The following RIF1 variants were observed in gnomAD, a reference collection of about 807,000 sequenced individuals.
RIF1 encodes the protein telomere-associated protein RIF1.
RIF1 carries 45 observed loss-of-function variants against 247.1 expected under a neutral mutation model. The ratio of observed to expected loss-of-function variants is 0.18; its 90% CI spans 0.14 to 0.23. RIF1 has a LOEUF of 0.23. Among genes scored for constraint, RIF1 ranks in the 10% least tolerant of loss-of-function variants. The pLI is 1.00. For synonymous variants in RIF1, 1,087 were observed against 978.8 expected (o/e 1.11, Z -2.06); for missense variants, 2,967 against 2,862.5 (o/e 1.04, Z -0.83).
At position 151,463,020 on chromosome 2, in the gene RIF1, A is replaced by G. The variant is rs2152496501; in HGVS notation, c.3500A>G (p.Asn1167Ser). ...GACAAAACCAGTCCAGAAATGTCAA[A>G]CAGTAATAATGATGAAAGAAAAAAA... ...SLDKTSPEMS[N>S]SNNDERKKAL... Residue 1167 changes from asparagine to serine, a missense_variant, in exon 30 of 36, where the codon AAC becomes AGC. Physicochemically the swap from Asn to Ser is conservative, Grantham distance 46 (BLOSUM62 1). This residue lies in a region of RIF1 where 2,028 missense variants were observed against 1,825.6 expected (regional missense o/e 1.11). Coordinates refer to ENST00000444746, the MANE Select transcript of RIF1 (RefSeq NM_018151.5). 6.2e-7 allele frequency: 1 copy of G among 1,614,008 alleles called. No individual in the cohort carries two copies. Among genetic ancestry groups the G allele is most frequent in the Non-Finnish European group, 8.5e-7 (1 of 1,179,860 alleles).
chr2:151,460,563 G>T (rs1695983265), intron 26 of RIF1, among the ~76,000 whole-genome samples: 2 of 152,112 alleles, frequency 1.3e-5, no homozygotes, highest in Admixed American at 1.3e-4. Context: ...CAGTTAACTT[G>T]ACTTTTAGAC....
the RIF1 span, chr2:151,516,449 T>G: frequency 6.3e-7 from 1 of 1,591,354 alleles, no homozygotes; most frequent in South Asian, 1.1e-5. Flanking sequence ...GTGTGGTTTT[T>G]TTGACTTACC....
In RIF1 at chr2:151,468,509, A is replaced by G; in HGVS notation, c.6783A>G (p.Pro2261=). 1 of 1,613,736 alleles carries G rather than the reference A, an allele frequency of 6.2e-7. No individual in the cohort carries two copies. The highest frequency in any genetic ancestry group is 8.5e-7 in the Non-Finnish European group (1 of 1,179,662). The stretch of plus-strand genomic sequence containing the variant: ...CTTCAGCCAAAGGATTTCTGTCCCC[A>G]GGATCACGTAGCCCTAAATTTAAGA... The part of the protein sequence containing the change: ...NTTSAKGFLS[P]GSRSPKFKSS... The change falls in exon 32 of 36, where the codon CCA becomes CCG. Residue 2261 remains proline (P), a synonymous_variant. Coordinates refer to ENST00000444746, the MANE Select transcript of RIF1 (RefSeq NM_018151.5).
intron 9 of RIF1, chr2:151,495,049 AC>A (rs1268953217): frequency 6.6e-6 from 1 of 152,174 alleles, no homozygotes; most frequent in African/African-American, 2.4e-5. Flanking sequence ...GGTTTCCCCT[AC>A]CCTCTTTTTC....
At chr2:151,414,187 G>GTC (rs1470003872) in intron 3 of RIF1, among the ~76,000 whole-genome samples, 1 of 151,854 alleles carries the variant, frequency 6.6e-6, no homozygotes, top group Non-Finnish European at 1.5e-5. Context: ...GCGCGCGCCT[G>GTC]TCATCCCAGC....
intron 6 of RIF1, among the ~76,000 whole-genome samples, chr2:151,418,367 G>A (rs1458600892): frequency 6.6e-6 from 1 of 152,036 alleles, no homozygotes; most frequent in Non-Finnish European, 1.5e-5. Flanking sequence ...ACCACACCTG[G>A]CAAATTTTTG....
At chr2:151,502,387 T>TA (rs34816284) in intron 11 of RIF1, among the ~76,000 whole-genome samples, 3,027 of 145,426 alleles carry the variant, frequency 0.021, 116 homozygotes, top group East Asian at 0.15. Context: ...CATCTAAACA[T>TA]AAAAAAAAAA....
intron 35 of RIF1, among the ~76,000 whole-genome samples, chr2:151,474,373 A>T (rs764593133): frequency 6.6e-6 from 1 of 152,184 alleles, no homozygotes; most frequent in Non-Finnish European, 1.5e-5. Context: ...CTATGAGAAT[A>T]GCACAGAATA....
At chr2:151,442,048 T>TTTTAATTTTA (rs1692381703) in intron 16 of RIF1, 57 bp downstream of exon 16, 1 of 237,100 alleles carries the variant, frequency 4.2e-6, no homozygotes, top group African/African-American at 2.5e-5. Flanking sequence ...ATACTTCCCT[T>TTTTAATTTTA]TTTTATTTTA....
At chr2:151,433,002 A>AC in intron 9 of RIF1, 75 bp from the exon 10 acceptor site, 1 of 1,106,212 alleles carries the variant, frequency 9.0e-7, no homozygotes, top group Non-Finnish European at 1.3e-6. Flanking sequence ...GTGATAAAAG[A>AC]CTGTTGCATA....
the RIF1 span, among the ~76,000 whole-genome samples, chr2:151,517,988 C>G: frequency 6.6e-6 from 1 of 152,100 alleles, no homozygotes; most frequent in Non-Finnish European, 1.5e-5. Flanking sequence ...CTTCCTGACT[C>G]CCTATAATCT....
intron 13 of RIF1, among the ~76,000 whole-genome samples, chr2:151,438,152 A>G (rs1189671692): frequency 1.3e-5 from 2 of 152,196 alleles, no homozygotes; most frequent in Admixed American, 6.5e-5. Flanking sequence ...TAGTTACACA[A>G]TTCATTGTTA....
At chr2:151,455,295 T>C (rs1009018445) in intron 22 of RIF1, 136 bp downstream of exon 22, 2 of 596,936 alleles carry the variant, frequency 3.4e-6, no homozygotes, top group East Asian at 3.0e-5. Flanking sequence ...AACTACACTT[T>C]TGTTGAAAAG....
At chr2:151,482,296 C>G (rs1172041965), downstream of RIF1, 1 of 152,156 alleles carries the variant, frequency 6.6e-6, no homozygotes, top group East Asian at 1.9e-4. Context: ...CCTCCACAAA[C>G]ATGAACCCTT....
the RIF1 span, among the ~76,000 whole-genome samples, chr2:151,519,384 G>A: frequency 6.6e-6 from 1 of 152,186 alleles, no homozygotes; most frequent in Non-Finnish European, 1.5e-5. Flanking sequence ...CCAAAGGACA[G>A]ATACTGTTTG....
chr2:151,450,469 T>G (rs1015505868), intron 20 of RIF1, among the ~76,000 whole-genome samples: 6 of 152,228 alleles, frequency 3.9e-5, no homozygotes, highest in Non-Finnish European at 5.9e-5. Flanking sequence ...ACTGATGTTT[T>G]CATTGTAATG....
chr2:151,416,998 A>AG, intron 6 of RIF1, 97 bp downstream of exon 6: 1 of 794,828 alleles, frequency 1.3e-6, no homozygotes. Flanking sequence ...AGACATTAAA[A>AG]GGGGGGAATG....
At chr2:151,446,944 T>TA in intron 20 of RIF1, among the ~76,000 whole-genome samples, 1 of 94,484 alleles carries the variant, frequency 1.1e-5, no homozygotes, top group Non-Finnish European at 2.3e-5. Context: ...CTTTTCTCTT[T>TA]CTTTTTTTTT....
intron 9 of RIF1, chr2:151,490,293 G>T: frequency 6.7e-7 from 1 of 1,493,290 alleles, no homozygotes; most frequent in Non-Finnish European, 9.0e-7. Flanking sequence ...ATTTGTTTTT[G>T]TACTCAAAGC....
Sources: allele counts gnomAD v4.1 joint callset (sites outside exome capture counted in the v4.1 genomes callset), GRCh38; gene constraint gnomAD v4.1.1; regional missense constraint gnomAD v4.1.1; transcripts MANE v1.5; gene names NCBI Gene and HGNC (gene_info 2026-07-23, HGNC 2026-07-21).